Variants in POLR3B observed in about 807,000 individuals in gnomAD.
POLR3B encodes DNA-directed RNA polymerase III subunit RPC2.
In POLR3B, 96 loss-of-function variants were observed where a neutral mutation model predicts 147.4. That is an observed-to-expected ratio of 0.65 (90% confidence interval 0.55 to 0.77). The LOEUF (loss-of-function observed/expected upper bound fraction) is 0.77. Ranked by LOEUF, POLR3B falls within the 30% of genes least tolerant of loss-of-function variation. POLR3B has a pLI of 0.00. For missense variants in POLR3B, 1,036 were observed against 1,413.5 expected (o/e 0.73, Z 4.28); for synonymous variants, 461 against 485.9 (o/e 0.95, Z 0.67).
intron 6 of POLR3B, among the ~76,000 whole-genome samples, chr12:106,375,942 T>G (rs2036672304): frequency 6.6e-6 from 1 of 152,118 alleles, no homozygotes; most frequent in African/African-American, 2.4e-5. Flanking sequence ...ACCTCCAAGT[T>G]CAAGCGATTC....
intron 10 of POLR3B, among the ~76,000 whole-genome samples, chr12:106,400,734 A>C (rs536877584): frequency 9.2e-5 from 14 of 152,252 alleles, no homozygotes; most frequent in African/African-American, 3.4e-4. Context: ...TACTGGGTAC[A>C]TAATGAAATG....
chr12:106,480,926 G>A (rs2038258633), intron 23 of POLR3B, among the ~76,000 whole-genome samples: 1 of 152,158 alleles, frequency 6.6e-6, no homozygotes, highest in African/African-American at 2.4e-5. Context: ...AGGGCGTGTG[G>A]TTAGTGATTC....
intron 23 of POLR3B, among the ~76,000 whole-genome samples, chr12:106,487,560 A>G (rs1363938564): frequency 6.6e-6 from 1 of 152,206 alleles, no homozygotes; most frequent in African/African-American, 2.4e-5. Flanking sequence ...GTCTTTTCTT[A>G]AAAGCTTACT....
At chr12:106,390,660 C>A (rs2036901843) in intron 9 of POLR3B, among the ~76,000 whole-genome samples, 2 of 142,222 alleles carry the variant, frequency 1.4e-5, no homozygotes, top group African/African-American at 5.3e-5. Context: ...AAAAAGACTG[C>A]TAAAACTATA....
At position 106,357,875 on chromosome 12, in the gene POLR3B, G is replaced by A. The variant is rs1433431195; in HGVS notation, c.-5G>A. The A allele has an allele frequency of 3.7e-6, 6 of 1,613,464 alleles. No individual in the cohort carries two copies. Among genetic ancestry groups the A allele is most frequent in the Middle Eastern group, 1.7e-4 (1 of 5,806 alleles). On this transcript the variant is annotated 5_prime_UTR_variant, in exon 1 of 28. Transcript: ENST00000228347. ...CTATCTGTTTCTTCCTCCTTCGTGA[G>A]CAGCATGGACGTGCTAGCGGAGGAG...
Position 106,427,526 on chromosome 12 carries a change from A to G in POLR3B, c.1263+168A>G, listed in dbSNP as rs527429710. Among the ~76,000 whole-genome samples, 141 of 152,352 alleles carry G rather than the reference A, an allele frequency of 9.3e-4. 1 individual carries two copies. Among genetic ancestry groups the G allele is most frequent in the Middle Eastern group, 3.4e-3 (1 of 294 alleles). On this transcript the variant is annotated intron_variant, in intron 13 of 27. Transcript: ENST00000228347. ...AAGAAAGTCTGAAGTGTTTATTACT[A>G]TAACTTTCCTGCCAAATTATAGTTG...
intron 12 of POLR3B, among the ~76,000 whole-genome samples, chr12:106,418,223 T>C (rs988686484): frequency 6.6e-6 from 1 of 152,314 alleles, no homozygotes; most frequent in African/African-American, 2.4e-5. Context: ...TTTTCGGTAA[T>C]GTGTTCATTA....
intron 22 of POLR3B, among the ~76,000 whole-genome samples, chr12:106,460,959 G>A (rs577612878): frequency 8.6e-5 from 13 of 151,940 alleles, no homozygotes; most frequent in Admixed American, 5.2e-4. Flanking sequence ...TCATCTTGTC[G>A]TCTCCATTTC....
At chr12:106,433,399 T>C (rs1007012771) in intron 15 of POLR3B, among the ~76,000 whole-genome samples, 8 of 152,244 alleles carry the variant, frequency 5.3e-5, no homozygotes, top group African/African-American at 1.9e-4. Context: ...TAACCTTTAC[T>C]GCCAGCCTGT....
At chr12:106,459,469 A>G in intron 22 of POLR3B, 101 bp downstream of exon 22, 2 of 763,278 alleles carry the variant, frequency 2.6e-6, no homozygotes, top group East Asian at 2.5e-5. Context: ...AGAACTAGAA[A>G]TAGCAATTTG....
rs1398460530 is a variant in POLR3B at position 106,432,320 on chromosome 12, A to C, written c.1467A>C (p.Ala489=). The change falls in exon 15 of 28, where the codon GCA becomes GCC. Residue 489 remains alanine, a splice_region_variant and synonymous_variant. Coordinates refer to ENST00000228347, the MANE Select transcript of POLR3B (RefSeq NM_018082.6). ...AATGACCATCTTTTGTTTTTTAGGC[A>C]TGTGGTTTGGTTAAAAACTTGGCCC... ...LCPSDTPEGE[A]CGLVKNLALM... 4 of 1,613,464 alleles carry C rather than the reference A, an allele frequency of 2.5e-6. No individual in the cohort carries two copies. The highest frequency in any genetic ancestry group is 2.5e-6 in the Non-Finnish European group (3 of 1,179,462).
chr12:106,477,891 C>CTTTTTTTTTTTTT (rs34915594), intron 23 of POLR3B, among the ~76,000 whole-genome samples: 1 of 70,548 alleles, frequency 1.4e-5, no homozygotes. Context: ...GGCTCCTCCC[C>CTTTTTTTTTTTTT]TTTTTTTTTT....
At position 106,500,968 on chromosome 12, in the gene POLR3B, T is replaced by C. The variant is rs151315023; in HGVS notation, c.2985-355T>C. Among the ~76,000 whole-genome samples the C allele has an allele frequency of 1.3e-3, 193 of 152,288 alleles. 1 individual carries two copies. The highest frequency in any genetic ancestry group is 4.6e-3 in the African/African-American group (190 of 41,564). On this transcript the variant is annotated intron_variant, in intron 25 of 27. Transcript: ENST00000228347. ...CTGACTTTTTATGCAAAGAATAGAT[T>C]GTTGAGGGATGAGAGTGGAAGCAGG...
chr12:106,375,967 C>T (rs1257698911), intron 6 of POLR3B, among the ~76,000 whole-genome samples: 3 of 152,210 alleles, frequency 2.0e-5, no homozygotes, highest in Non-Finnish European at 4.4e-5. Flanking sequence ...GTCTCAGCCT[C>T]CTGAGTAGCT....
At chr12:106,445,899 G>C (rs1227125622) in intron 19 of POLR3B, among the ~76,000 whole-genome samples, 1 of 152,150 alleles carries the variant, frequency 6.6e-6, no homozygotes, top group East Asian at 1.9e-4. Flanking sequence ...ATAGAGAGTA[G>C]ATATATTTCT....
At chr12:106,500,086 C>G (rs747094610) in intron 25 of POLR3B, 11 of 456,076 alleles carry the variant, frequency 2.4e-5, no homozygotes, top group South Asian at 1.7e-4. Flanking sequence ...CTGTCGGGCG[C>G]TCTGTGTCCA....
In POLR3B at chr12:106,496,884, T is replaced by C; in HGVS notation, c.2950T>C (p.Leu984=). Residue 984 remains leucine, a synonymous_variant, in exon 25 of 28, where the codon TTG becomes CTG. Coordinates refer to ENST00000228347, the MANE Select transcript of POLR3B (RefSeq NM_018082.6). ...EDLVRHGYNY[L]GKDYVTSGIT... ...CCTCGTTCGCCATGGTTATAACTAC[T>C]TGGGGAAAGACTATGTTACATCCGG... The C allele has an allele frequency of 5.6e-6, 9 of 1,614,078 alleles. No individual in the cohort carries two copies. The highest frequency in any genetic ancestry group is 7.6e-6 in the Non-Finnish European group (9 of 1,180,026).
At position 106,437,395 on chromosome 12, in the gene POLR3B, A is replaced by T. The variant is rs1246582829; in HGVS notation, c.1856+264A>T. 3.9e-5 allele frequency among the ~76,000 whole-genome samples: 6 copies of T among 152,170 alleles called. No homozygotes were observed. The South Asian group carries it at 1.0e-3, about 26-fold the overall frequency. ...GGACTTACATCATGTGTCAGTGTAG[A>T]CACTGTGGGTCTCATTATGAGGTTT... On this transcript the variant is annotated intron_variant, in intron 17 of 27. Transcript: ENST00000228347.
At position 106,480,100 on chromosome 12, in the gene POLR3B, G is replaced by A. The variant is rs139673623; in HGVS notation, c.2714-15955G>A. On this transcript the variant is annotated intron_variant, in intron 23 of 27. Transcript: ENST00000228347. ...ACTTCTAGGATCAAGTGATCCACCT[G>A]CCTCAGCTTCCCAAAATGGCATTTG... 4.4e-3 allele frequency among the ~76,000 whole-genome samples: 665 copies of A among 151,710 alleles called. 4 individuals are homozygous for A. The highest frequency in any genetic ancestry group is 0.016 in the African/African-American group (640 of 41,286).
Sources: allele counts gnomAD v4.1 joint callset (sites outside exome capture counted in the v4.1 genomes callset), GRCh38; gene constraint gnomAD v4.1.1; transcripts MANE v1.5; gene names NCBI Gene and HGNC (gene_info 2026-07-23, HGNC 2026-07-21).